BMAL1: variants seen among roughly 807,000 people sequenced by gnomAD.
BMAL1 encodes the protein basic helix-loop-helix ARNT like 1.
At chr11:13,310,964 G>A in the BMAL1 span, among the ~76,000 whole-genome samples, 3 of 152,232 alleles carry the variant, frequency 2.0e-5, no homozygotes, top group Non-Finnish European at 4.4e-5. Context: ...GAAAATGGAA[G>A]CAAAGGATCA....
At chr11:13,351,289 C>T in the BMAL1 span, among the ~76,000 whole-genome samples, 2 of 152,062 alleles carry the variant, frequency 1.3e-5, no homozygotes, top group Non-Finnish European at 2.9e-5. Context: ...GGATTGAATG[C>T]GGGTTGTGAA....
At chr11:13,305,935 A>G in the BMAL1 span, among the ~76,000 whole-genome samples, 2 of 152,122 alleles carry the variant, frequency 1.3e-5, no homozygotes, top group Non-Finnish European at 2.9e-5. Context: ...CCTCAGTTCC[A>G]AGTCTGAGCT....
At chr11:13,283,361 G>A in the BMAL1 span, among the ~76,000 whole-genome samples, 6,661 of 152,292 alleles carry the variant, frequency 0.044, 461 homozygotes, top group African/African-American at 0.15. Context: ...GATAATAGCA[G>A]CTAACATTTA....
the BMAL1 span, chr11:13,356,591 CTTA>C: frequency 5.7e-6 from 5 of 881,316 alleles, no homozygotes; most frequent in Non-Finnish European, 8.5e-6. Context: ...TTGTTTTACC[CTTA>C]TTATACATCA....
chr11:13,314,335 G>T, the BMAL1 span, among the ~76,000 whole-genome samples: 1 of 151,550 alleles, frequency 6.6e-6, no homozygotes, highest in East Asian at 1.9e-4. Context: ...AGTTTTTGTT[G>T]TAAGAGTGAG....
At chr11:13,340,379 C>T in the BMAL1 span, among the ~76,000 whole-genome samples, 3 of 152,218 alleles carry the variant, frequency 2.0e-5, no homozygotes, top group African/African-American at 4.8e-5. Flanking sequence ...TCCTTGCTTT[C>T]TACATCTTAT....
chr11:13,319,298 G>T, the BMAL1 span, among the ~76,000 whole-genome samples: 1 of 152,206 alleles, frequency 6.6e-6, no homozygotes, highest in Non-Finnish European at 1.5e-5. Flanking sequence ...AGTCATTGCT[G>T]CTGTGGAAAT....
the BMAL1 span, among the ~76,000 whole-genome samples, chr11:13,331,997 T>C: frequency 6.6e-6 from 1 of 152,122 alleles, no homozygotes; most frequent in African/African-American, 2.4e-5. Context: ...GCGGCTAGCA[T>C]GGAGAGGAAC....
chr11:13,363,414 G>A, the BMAL1 span, among the ~76,000 whole-genome samples: 1 of 151,830 alleles, frequency 6.6e-6, no homozygotes, highest in Non-Finnish European at 1.5e-5. Context: ...GATCTCTCTT[G>A]CCCGATGAAG....
At chr11:13,378,500 A>G in the BMAL1 span, 1 of 1,564,110 alleles carries the variant, frequency 6.4e-7, no homozygotes, top group Non-Finnish European at 8.7e-7. Context: ...ACCCAGGGAA[A>G]TTTTTTCCCC....
At chr11:13,318,291 T>C in the BMAL1 span, among the ~76,000 whole-genome samples, 3 of 152,240 alleles carry the variant, frequency 2.0e-5, no homozygotes, top group Non-Finnish European at 2.9e-5. Flanking sequence ...GTCATTCTTA[T>C]GATAGCCCAA....
chr11:13,325,590 C>A, the BMAL1 span, among the ~76,000 whole-genome samples: 4 of 151,520 alleles, frequency 2.6e-5, no homozygotes, highest in African/African-American at 9.7e-5. Context: ...GGGAGGCAGA[C>A]CGGCAGCAGG....
the BMAL1 span, among the ~76,000 whole-genome samples, chr11:13,363,870 T>G: frequency 2.6e-5 from 4 of 152,158 alleles, no homozygotes; most frequent in African/African-American, 9.7e-5. Flanking sequence ...CGGGCCCGGC[T>G]CCTTCACAGA....
the BMAL1 span, among the ~76,000 whole-genome samples, chr11:13,385,447 G>GC: frequency 6.6e-6 from 1 of 152,182 alleles, no homozygotes; most frequent in Non-Finnish European, 1.5e-5. Flanking sequence ...ATGCTCTTGG[G>GC]ATTTTATTCA....
At chr11:13,385,731 C>G in the BMAL1 span, 3 of 1,613,760 alleles carry the variant, frequency 1.9e-6, no homozygotes, top group South Asian at 2.2e-5. Flanking sequence ...CAGTGGCCTA[C>G]TATCAGGCCA....
At chr11:13,333,201 G>A in the BMAL1 span, among the ~76,000 whole-genome samples, 4 of 152,000 alleles carry the variant, frequency 2.6e-5, no homozygotes, top group Non-Finnish European at 5.9e-5. Flanking sequence ...TCCTGACCTC[G>A]GGTGATCTGC....
the BMAL1 span, among the ~76,000 whole-genome samples, chr11:13,323,085 C>T: frequency 6.6e-6 from 1 of 151,760 alleles, no homozygotes; most frequent in South Asian, 2.1e-4. Flanking sequence ...ACATGAGCCA[C>T]TGCACCCAGC....
the BMAL1 span, chr11:13,356,861 C>T: frequency 6.2e-7 from 1 of 1,607,380 alleles, no homozygotes; most frequent in African/African-American, 1.3e-5. Context: ...CTTGGGGCAG[C>T]ACCCATGTCC....
At chr11:13,370,711 A>G in the BMAL1 span, among the ~76,000 whole-genome samples, 1 of 152,074 alleles carries the variant, frequency 6.6e-6, no homozygotes, top group Non-Finnish European at 1.5e-5. Context: ...GTAGACCCAC[A>G]TGCTCCCCAC....
Sources: allele counts gnomAD v4.1 joint callset (sites outside exome capture counted in the v4.1 genomes callset), GRCh38; gene constraint gnomAD v4.1.1; transcripts MANE v1.5; gene names NCBI Gene and HGNC (gene_info 2026-07-23, HGNC 2026-07-21).